BCL11B: variants seen among roughly 807,000 people sequenced by gnomAD.
The protein encoded by BCL11B is B-cell lymphoma/leukemia 11B.
Under a neutral mutation model 49.9 loss-of-function variants are expected in BCL11B, and 8 were observed. The ratio of observed to expected loss-of-function variants is 0.16; its 90% confidence interval spans 0.09 to 0.29. The LOEUF is 0.29. Among genes scored for constraint, BCL11B ranks in the 10% least tolerant of loss-of-function variants. BCL11B has a pLI of 1.00. For synonymous variants in BCL11B, 739 were observed against 637.4 expected (o/e 1.16, Z -2.40); for missense variants, 1,006 against 1,351.0 (o/e 0.74, Z 4.00).
At chr14:99,216,632 G>A (rs529072452) in intron 3 of BCL11B, among the ~76,000 whole-genome samples, 8 of 152,292 alleles carry the variant, frequency 5.3e-5, no homozygotes, top group African/African-American at 1.9e-4. Context: ...AAAGGCCTCA[G>A]CAGGCCTCAG....
rs1257421 is a variant in BCL11B at position 99,184,597 on chromosome 14, G to A, written c.641-8402C>T. On this transcript the variant is annotated intron_variant, in intron 3 of 3. Coordinates refer to ENST00000357195, the MANE Select transcript of BCL11B (RefSeq NM_138576.4). The surrounding 1 kb of genome is among the most constrained non-coding windows in gnomAD (Gnocchi z 6.1). ...ACCCGGGTCCGTCTGACCCCAGAGC[G>A]TGTGCTGGGGTCCAGACTCACAACT... Among the ~76,000 whole-genome samples the A allele has an allele frequency of 2.0e-5, 3 of 152,032 alleles. No homozygotes were observed. The highest frequency in any genetic ancestry group is 1.9e-4 in the East Asian group (1 of 5,164).
intron 3 of BCL11B, among the ~76,000 whole-genome samples, chr14:99,188,285 T>C (rs1020836843): frequency 2.6e-5 from 4 of 152,180 alleles, no homozygotes; most frequent in African/African-American, 7.2e-5. Context: ...GGTAAAAAAC[T>C]GGACCTTATG....
intron 2 of BCL11B, among the ~76,000 whole-genome samples, chr14:99,245,700 G>A (rs1353254428): frequency 6.6e-6 from 1 of 152,164 alleles, no homozygotes; most frequent in Non-Finnish European, 1.5e-5. Context: ...TTTCGGGGAG[G>A]GGACCACTTC....
chr14:99,196,743 G>A (rs951891784), intron 3 of BCL11B, among the ~76,000 whole-genome samples: 3 of 152,166 alleles, frequency 2.0e-5, no homozygotes, highest in Non-Finnish European at 2.9e-5. Context: ...CCTTGCAAAC[G>A]GAACAGGAGC....
chr14:99,218,456 G>A (rs536294958), intron 3 of BCL11B, among the ~76,000 whole-genome samples: 1 of 151,962 alleles, frequency 6.6e-6, no homozygotes, highest in Non-Finnish European at 1.5e-5. Context: ...AGAGCTGGGG[G>A]CCACATGTGA....
rs1233676726 is a variant in BCL11B, at chr14:99,231,778, C to A, written c.428-221G>T. Among the ~76,000 whole-genome samples the A allele has an allele frequency of 3.3e-5, 5 of 151,818 alleles. No homozygotes were observed. Among genetic ancestry groups the A allele is most frequent in the African/African-American group, 9.7e-5 (4 of 41,338 alleles). On this transcript the variant is annotated intron_variant, in intron 2 of 3. Transcript: ENST00000357195. The surrounding 1 kb of genome is among the most constrained non-coding windows in gnomAD (Gnocchi z 8.1). ...GGCACTGGGGAGGGCCCGGTTTCCA[C>A]AGCTGCCAGGCTGGGCTGTCGGGGA...
At chr14:99,258,471 G>A (rs903103271) in intron 1 of BCL11B, among the ~76,000 whole-genome samples, 1 of 151,662 alleles carries the variant, frequency 6.6e-6, no homozygotes, top group Non-Finnish European at 1.5e-5. Flanking sequence ...TCCTCTACCT[G>A]GGACCTGGCC....
At position 99,175,777 on chromosome 14, in the gene BCL11B, G is replaced by A. The variant is rs1353461309; in HGVS notation, c.1059C>T (p.Pro353=). The A allele has an allele frequency of 6.8e-7, 1 of 1,472,858 alleles. No homozygotes were observed. The highest frequency in any genetic ancestry group is 1.4e-5 in the South Asian group (1 of 71,326). The allele number at this position is 1,472,858 out of a possible 1,614,324, so 91.2% of individuals were successfully genotyped here. ...SAFDRVMRLN[P]MAIDSPAMDF... is the part of the protein sequence containing the mutation. Reference sequence around the variant, plus strand: ...CCATGGCGGGCGAGTCGATGGCCATGGGGTTCAGGCGCATGACTCGGTCGA... The same window carrying A: ...CCATGGCGGGCGAGTCGATGGCCATAGGGTTCAGGCGCATGACTCGGTCGA... Residue 353 remains proline, a synonymous_variant, in exon 4 of 4, where the codon CCC becomes CCT. Coordinates refer to ENST00000357195, the MANE Select transcript of BCL11B (RefSeq NM_138576.4).
rs1002568898 is a variant in BCL11B at position 99,200,414 on chromosome 14, G to C, written c.641-24219C>G. On this transcript the variant is annotated intron_variant, in intron 3 of 3. Transcript: ENST00000357195. ...CCAATATCTATGGCTGGAGCCAGGG[G>C]ACATGAGCAGTGCCCCAGATCACAG... Among the ~76,000 whole-genome samples, 4 of 152,242 alleles carry C rather than the reference G, an allele frequency of 2.6e-5. No individual in the cohort carries two copies. In the South Asian group the frequency reaches 8.3e-4, roughly 31 times the overall value.
In BCL11B at chr14:99,203,154, C is replaced by T. The variant is rs532318895; in HGVS notation, c.641-26959G>A. 7.9e-5 allele frequency among the ~76,000 whole-genome samples: 12 copies of T among 152,290 alleles called. No individual in the cohort carries two copies. The South Asian group carries it at 2.5e-3, about 32-fold the overall frequency. On this transcript the variant is annotated intron_variant, in intron 3 of 3. Transcript: ENST00000357195. The stretch of plus-strand genomic sequence containing the variant: ...CCACAGATCTGGAAGGCAAGGGCTG[C>T]TCCACTGCCCCATGTGTTCCCGTTC...
chr14:99,263,445 G>A (rs567510702), intron 1 of BCL11B, among the ~76,000 whole-genome samples: 4 of 152,192 alleles, frequency 2.6e-5, no homozygotes, highest in African/African-American at 7.2e-5. Context: ...CGCCAGCAGC[G>A]GAAACTTTGG....
At chr14:99,260,295 G>A (rs1242308893) in intron 1 of BCL11B, among the ~76,000 whole-genome samples, 1 of 152,192 alleles carries the variant, frequency 6.6e-6, no homozygotes, top group Non-Finnish European at 1.5e-5. Context: ...TGGAAGATTT[G>A]ATAAAAACGT....
chr14:99,249,945 T>C (rs1377277069), intron 2 of BCL11B, among the ~76,000 whole-genome samples: 2 of 151,102 alleles, frequency 1.3e-5, no homozygotes, highest in Non-Finnish European at 2.9e-5. Flanking sequence ...CTGGCCAACA[T>C]GGCAAAACCC....
chr14:99,207,622 A>G (rs1595246454), intron 3 of BCL11B, among the ~76,000 whole-genome samples: 1 of 152,202 alleles, frequency 6.6e-6, no homozygotes, highest in South Asian at 2.1e-4. Flanking sequence ...AGGCCTTCAC[A>G]TTCCACACAA....
chr14:99,229,477 A>G (rs150686749), intron 3 of BCL11B, among the ~76,000 whole-genome samples: 99 of 152,214 alleles, frequency 6.5e-4, no homozygotes, highest in African/African-American at 2.2e-3. Context: ...ACCAAGGACA[A>G]ATCCCAGTTC....
chr14:99,226,902 A>G (rs532051924), intron 3 of BCL11B, among the ~76,000 whole-genome samples: 1 of 152,360 alleles, frequency 6.6e-6, no homozygotes, highest in African/African-American at 2.4e-5. Context: ...TTTCAGTAGA[A>G]AAGTAAATTG....
chr14:99,170,255 T>G lies in BCL11B; in HGVS notation c.*3896A>C, dbSNP rs1566789640. ...AATCTCAGCTTTCTCTCCCATTCCCTCCCCCCTTTTTTTTAACTTTGCAAA... is the reference window on the plus strand; with the variant it reads ...AATCTCAGCTTTCTCTCCCATTCCCGCCCCCCTTTTTTTTAACTTTGCAAA... On this transcript the variant is annotated 3_prime_UTR_variant, in exon 4 of 4. Transcript: ENST00000357195. 4.6e-6 allele frequency: 1 copy of G among 219,560 alleles called. No homozygotes were observed. The highest frequency in any genetic ancestry group is 9.1e-6 in the Non-Finnish European group (1 of 109,768). The allele number at this position is 219,560 out of a possible 1,614,324, so 13.6% of individuals were successfully genotyped here.
intron 2 of BCL11B, among the ~76,000 whole-genome samples, chr14:99,249,467 C>T (rs564625663): frequency 1.8e-4 from 27 of 152,312 alleles, no homozygotes; most frequent in Admixed American, 3.9e-4. Flanking sequence ...GGTCTCTAGG[C>T]GCAACTGAGC....
At chr14:99,190,293 C>T (rs1886983970) in intron 3 of BCL11B, among the ~76,000 whole-genome samples, 1 of 152,192 alleles carries the variant, frequency 6.6e-6, no homozygotes, top group Admixed American at 6.5e-5. Context: ...TCAAGACCAT[C>T]TTGGCTAATA....
Sources: gnomAD v4.1 joint callset for allele counts (sites outside exome capture counted in the v4.1 genomes callset) on GRCh38, gnomAD v4.1.1 for gene constraint, Gnocchi (gnomAD v3.1) non-coding constraint, MANE v1.5 for transcripts, NCBI Gene and HGNC (gene_info 2026-07-23, HGNC 2026-07-21) for gene names.